The following RBFOX1 variants were observed in gnomAD, a reference collection of about 807,000 sequenced individuals.
RBFOX1 encodes the protein RNA binding protein fox-1 homolog 1.
In RBFOX1, 8 loss-of-function variants were observed where a neutral mutation model predicts 57.7. The observed-to-expected ratio is 0.14, with a 90% CI of 0.08 to 0.25. RBFOX1 has a LOEUF of 0.25. RBFOX1 is among the 10% of genes least tolerant of loss of function. The pLI is 1.00. For missense variants in RBFOX1, 611 were observed against 548.5 expected (o/e 1.11, Z -1.14); for synonymous variants, 326 against 222.4 (o/e 1.47, Z -4.15).
chr16:7,184,559 G>A (rs2083350266), intron 4 of RBFOX1, among the ~76,000 whole-genome samples: 1 of 152,226 alleles, frequency 6.6e-6, no homozygotes. Flanking sequence ...CATATTGGCT[G>A]TGCCTTTGTG....
At chr16:5,392,439 C>T (rs2066437573) in intron 1 of RBFOX1, among the ~76,000 whole-genome samples, 1 of 151,912 alleles carries the variant, frequency 6.6e-6, no homozygotes, top group Admixed American at 6.6e-5. Context: ...TATCTTTAGG[C>T]AGTGTAAAAT....
At chr16:5,274,145 G>A (rs1034998677) in intron 1 of RBFOX1, among the ~76,000 whole-genome samples, 4 of 152,120 alleles carry the variant, frequency 2.6e-5, no homozygotes, top group African/African-American at 7.2e-5. Flanking sequence ...CATATCCATC[G>A]CTGCATCTCT....
chr16:7,437,131 C>G (rs536925430), intron 4 of RBFOX1, among the ~76,000 whole-genome samples: 1 of 152,152 alleles, frequency 6.6e-6, no homozygotes, highest in East Asian at 1.9e-4. Flanking sequence ...TCACAGGGCT[C>G]TCTGATTTGC....
chr16:6,079,399 C>A (rs780593075), intron 1 of RBFOX1, among the ~76,000 whole-genome samples: 1 of 152,164 alleles, frequency 6.6e-6, no homozygotes, highest in Non-Finnish European at 1.5e-5. Context: ...GCAGCCTTGA[C>A]CTCCTGGCCT....
intron 3 of RBFOX1, among the ~76,000 whole-genome samples, chr16:5,639,860 A>G (rs770048694): frequency 1.8e-4 from 27 of 152,298 alleles, no homozygotes; most frequent in Admixed American, 2.0e-4. Context: ...GTGCCTTTGA[A>G]GCCCCACAGC....
At chr16:6,579,387 TCTCCACC>T in intron 2 of RBFOX1, among the ~76,000 whole-genome samples, 1 of 152,026 alleles carries the variant, frequency 6.6e-6, no homozygotes. Flanking sequence ...TGGCTTTGTG[TCTCCACC>T]CAAATCTCAT....
chr16:5,996,543 G>C (rs892543273), intron 4 of RBFOX1, among the ~76,000 whole-genome samples: 23 of 151,916 alleles, frequency 1.5e-4, no homozygotes, highest in African/African-American at 5.3e-4. Context: ...ACTCAAATTA[G>C]GTAACTTGTA....
At chr16:7,248,045 A>C (rs756893522) in intron 4 of RBFOX1, among the ~76,000 whole-genome samples, 6 of 152,220 alleles carry the variant, frequency 3.9e-5, no homozygotes, top group Non-Finnish European at 7.3e-5. Context: ...CTAAAATAAA[A>C]GTTAACCTTA....
intron 1 of RBFOX1, among the ~76,000 whole-genome samples, chr16:5,391,863 AAAGAAAC>A: frequency 6.7e-6 from 1 of 148,920 alleles, no homozygotes; most frequent in South Asian, 2.1e-4. Flanking sequence ...ATGAGTGGAT[AAAGAAAC>A]TATGGTGTGT....
At chr16:6,140,862 C>T (rs1475465852) in intron 1 of RBFOX1, among the ~76,000 whole-genome samples, 1 of 152,192 alleles carries the variant, frequency 6.6e-6, no homozygotes, top group African/African-American at 2.4e-5. Flanking sequence ...TCTGGTCACC[C>T]ATTTACTACC....
chr16:7,393,178 G>C (rs559256394), intron 4 of RBFOX1, among the ~76,000 whole-genome samples: 1 of 152,128 alleles, frequency 6.6e-6, no homozygotes, highest in Admixed American at 6.6e-5. Context: ...CCCACCTGGT[G>C]TCTTGATTTT....
intron 1 of RBFOX1, among the ~76,000 whole-genome samples, chr16:5,421,424 C>A (rs1245499702): frequency 1.3e-5 from 2 of 152,194 alleles, no homozygotes; most frequent in South Asian, 4.1e-4. Context: ...AGCCAAATGG[C>A]AGCTTGGCCT....
chr16:7,177,628 C>A (rs928116301), intron 4 of RBFOX1, among the ~76,000 whole-genome samples: 1 of 152,144 alleles, frequency 6.6e-6, no homozygotes, highest in Admixed American at 6.6e-5. Context: ...CCTATCTGAG[C>A]AAATTGCATT....
At chr16:6,172,851 TTGAG>T (rs2096971799) in intron 1 of RBFOX1, among the ~76,000 whole-genome samples, 2 of 152,172 alleles carry the variant, frequency 1.3e-5, no homozygotes, top group Admixed American at 6.5e-5. Flanking sequence ...CTTTTACAGT[TTGAG>T]TGGTCAGAAC....
intron 3 of RBFOX1, among the ~76,000 whole-genome samples, chr16:5,856,261 G>GTATATATATGTA (rs2057050220): frequency 1.5e-5 from 1 of 66,740 alleles, no homozygotes; most frequent in African/African-American, 6.4e-5. Flanking sequence ...GTATATATAT[G>GTATATATATGTA]TATATATATA....
intron 3 of RBFOX1, among the ~76,000 whole-genome samples, chr16:6,867,440 C>G (rs999825774): frequency 1.5e-4 from 23 of 151,346 alleles, no homozygotes; most frequent in African/African-American, 5.4e-4. Flanking sequence ...GAAAGGGGGC[C>G]GGGTGTGGGG....
intron 2 of RBFOX1, among the ~76,000 whole-genome samples, chr16:6,581,313 G>GTGAAGCA (rs1347942925): frequency 6.6e-6 from 1 of 152,190 alleles, no homozygotes; most frequent in Non-Finnish European, 1.5e-5. Flanking sequence ...GATGATCCCT[G>GTGAAGCA]TGAAGCATGA....
intron 2 of RBFOX1, among the ~76,000 whole-genome samples, chr16:6,449,008 A>C (rs1372514534): frequency 6.6e-6 from 1 of 152,232 alleles, no homozygotes; most frequent in Non-Finnish European, 1.5e-5. Context: ...TACATTGAAA[A>C]AGAAGGTAGC....
chr16:5,437,878 A>G (rs1251233591), intron 1 of RBFOX1, among the ~76,000 whole-genome samples: 1 of 152,214 alleles, frequency 6.6e-6, no homozygotes, highest in Non-Finnish European at 1.5e-5. Flanking sequence ...GAAGCTCTGA[A>G]TAAGACATAT....
Sources: gnomAD v4.1 joint callset for allele counts (sites outside exome capture counted in the v4.1 genomes callset) on GRCh38, gnomAD v4.1.1 for gene constraint, MANE v1.5 for transcripts, NCBI Gene and HGNC (gene_info 2026-07-23, HGNC 2026-07-21) for gene names.